TMEM244: variants seen among roughly 807,000 people sequenced by gnomAD.
TMEM244 encodes the protein putative transmembrane protein 244.
A neutral mutation model predicts 15.8 loss-of-function variants in TMEM244; 13 were observed. The observed-to-expected ratio is 0.82, with a 90% CI of 0.53 to 1.30. TMEM244 has a LOEUF of 1.30. TMEM244 is among the 50% of genes most tolerant of loss of function. The pLI is 0.00. For synonymous variants in TMEM244, 45 were observed against 48.7 expected (o/e 0.92, Z 0.32); for missense variants, 161 against 144.9 (o/e 1.11, Z -0.57).
At chr6:129,843,284 A>G (rs886275560) in intron 3 of TMEM244, among the ~76,000 whole-genome samples, 1 of 152,116 alleles carries the variant, frequency 6.6e-6, no homozygotes, top group Non-Finnish European at 1.5e-5. Context: ...CCCCAATACA[A>G]TGAAATGAAA....
chr6:129,851,922 A>T (rs1303935531), intron 1 of TMEM244, among the ~76,000 whole-genome samples: 1 of 152,210 alleles, frequency 6.6e-6, no homozygotes, highest in Non-Finnish European at 1.5e-5. Flanking sequence ...TTTATGGGAC[A>T]TTTGGCTATT....
intron 3 of TMEM244, among the ~76,000 whole-genome samples, chr6:129,834,444 G>A (rs915537724): frequency 2.0e-5 from 3 of 151,098 alleles, no homozygotes; most frequent in African/African-American, 7.3e-5. Context: ...CAGAAAATAA[G>A]TGATATGTTC....
At chr6:129,848,475 G>A (rs921494747) in intron 1 of TMEM244, among the ~76,000 whole-genome samples, 2 of 152,124 alleles carry the variant, frequency 1.3e-5, no homozygotes, top group Admixed American at 6.5e-5. Context: ...AAAAATTGGA[G>A]TTCTATTAGC....
At chr6:129,844,327 A>G (rs1776533536) in intron 2 of TMEM244, among the ~76,000 whole-genome samples, 2 of 152,180 alleles carry the variant, frequency 1.3e-5, no homozygotes, top group Non-Finnish European at 2.9e-5. Flanking sequence ...AGTTCCTGCC[A>G]TCAAACGTAG....
chr6:129,832,093 CTTTT>C (rs1177577598), intron 4 of TMEM244, among the ~76,000 whole-genome samples: 1 of 114,162 alleles, frequency 8.8e-6, no homozygotes, highest in Non-Finnish European at 1.8e-5. Flanking sequence ...ACAGATTGTA[CTTTT>C]TTTTTTTTTT....
intron 3 of TMEM244, among the ~76,000 whole-genome samples, chr6:129,839,790 C>T (rs1401159050): frequency 6.6e-6 from 1 of 152,030 alleles, no homozygotes; most frequent in Admixed American, 6.6e-5. Flanking sequence ...AAATAATAGA[C>T]AAACAGAGAG....
At chr6:129,848,925 A>T (rs938570441) in intron 1 of TMEM244, among the ~76,000 whole-genome samples, 8 of 152,152 alleles carry the variant, frequency 5.3e-5, no homozygotes, top group Non-Finnish European at 1.0e-4. Flanking sequence ...TGTATTTTCA[A>T]CCATTAAACT....
intron 1 of TMEM244, among the ~76,000 whole-genome samples, chr6:129,852,357 A>G (rs564288919): frequency 6.6e-6 from 1 of 152,244 alleles, no homozygotes; most frequent in South Asian, 2.1e-4. Flanking sequence ...TAATACCTGT[A>G]TGTGCAAGAC....
At chr6:129,840,730 A>G (rs1375760545) in intron 3 of TMEM244, among the ~76,000 whole-genome samples, 3 of 152,226 alleles carry the variant, frequency 2.0e-5, no homozygotes, top group Non-Finnish European at 2.9e-5. Flanking sequence ...CAAATTTATA[A>G]GAAAAAAGCA....
intron 1 of TMEM244, among the ~76,000 whole-genome samples, chr6:129,849,698 T>G (rs2114642666): frequency 6.6e-6 from 1 of 152,288 alleles, no homozygotes; most frequent in Non-Finnish European, 1.5e-5. Context: ...CATAACAAGT[T>G]CCCAGCTGAT....
At chr6:129,842,641 T>C (rs17058065) in intron 3 of TMEM244, among the ~76,000 whole-genome samples, 2,290 of 152,086 alleles carry the variant, frequency 0.015, 21 homozygotes, top group Non-Finnish European at 0.022. Flanking sequence ...AAAACAAGAA[T>C]AGGGAAAAAC....
chr6:129,838,208 TC>T (rs1776436041), intron 3 of TMEM244, among the ~76,000 whole-genome samples: 2 of 152,232 alleles, frequency 1.3e-5, no homozygotes, highest in Admixed American at 1.3e-4. Context: ...AGAACAGAAA[TC>T]ACAACAAACT....
chr6:129,845,181 C>T (rs1009612880), intron 2 of TMEM244, among the ~76,000 whole-genome samples: 5 of 152,178 alleles, frequency 3.3e-5, no homozygotes, highest in South Asian at 2.1e-4. Flanking sequence ...GATACACTGT[C>T]GTTTGGTCAA....
chr6:129,847,276 T>C (rs1474616281), intron 1 of TMEM244, among the ~76,000 whole-genome samples: 1 of 152,202 alleles, frequency 6.6e-6, no homozygotes, highest in Non-Finnish European at 1.5e-5. Context: ...ACATGAGAAA[T>C]GCTCAGTTTA....
chr6:129,859,317 C>T (rs1456007728), intron 1 of TMEM244, among the ~76,000 whole-genome samples: 1 of 152,206 alleles, frequency 6.6e-6, no homozygotes, highest in African/African-American at 2.4e-5. Flanking sequence ...TTCTCTCTTA[C>T]TTCTCCCCAT....
intron 1 of TMEM244, among the ~76,000 whole-genome samples, chr6:129,856,874 G>A (rs9492403): frequency 0.087 from 13,285 of 151,870 alleles, 1,161 homozygotes; most frequent in African/African-American, 0.23. Context: ...TCAAAAATGA[G>A]AAAAATTTCC....
At position 129,861,308 on chromosome 6, in the gene TMEM244, G is replaced by A. The variant is rs9492407; in HGVS notation, c.-120C>T. On this transcript the variant is annotated 5_prime_UTR_variant, in exon 1 of 5. Coordinates refer to ENST00000368143, the MANE Select transcript of TMEM244 (RefSeq NM_001010876.2). ...TACTCCTGGAGACTAAGTGTGAGAC[G>A]CAGTAGTGCAGGATGATTGGATTAC... The A allele has an allele frequency of 5.0e-3, 5,699 of 1,142,824 alleles. 222 individuals are homozygous for A. In the African/African-American group the frequency reaches 0.079, roughly 16 times the overall value. 70.8% of individuals were successfully genotyped at this position (1,142,824 alleles called of 1,614,324 possible).
intron 1 of TMEM244, among the ~76,000 whole-genome samples, chr6:129,851,935 A>T (rs1440487350): frequency 6.6e-6 from 1 of 152,226 alleles, no homozygotes; most frequent in East Asian, 1.9e-4. Flanking sequence ...TGGCTATTTA[A>T]ACTTGACTGG....
At position 129,860,848 on chromosome 6, in the gene TMEM244, T is replaced by G. The variant is rs1750146241; in HGVS notation, c.33+308A>C. Among the ~76,000 whole-genome samples, 3 of 150,726 alleles carry G rather than the reference T, an allele frequency of 2.0e-5. No homozygotes were observed. The South Asian group carries it at 6.2e-4, about 31-fold the overall frequency. ...AAAGAAAAAAAGATTGAGAACAAAC[T>G]GTCATGATTTCAGAAAACGATAGCA... is the stretch of plus-strand genomic sequence containing the variant. On this transcript the variant is annotated intron_variant, in intron 1 of 4. Transcript: ENST00000368143.
Sources: allele counts gnomAD v4.1 joint callset (sites outside exome capture counted in the v4.1 genomes callset), GRCh38; gene constraint gnomAD v4.1.1; transcripts MANE v1.5; gene names NCBI Gene and HGNC (gene_info 2026-07-23, HGNC 2026-07-21).